GSTA5: variants seen among roughly 807,000 people sequenced by gnomAD.
The protein encoded by GSTA5 is glutathione S-transferase A5.
Under a neutral mutation model 21.8 loss-of-function variants are expected in GSTA5, and 25 were observed. The observed-to-expected ratio is 1.14, with a 90% CI of 0.83 to 1.60. The LOEUF (loss-of-function observed/expected upper bound fraction) is 1.60. GSTA5 is among the 40% of genes most tolerant of loss of function. The pLI, the probability that GSTA5 is intolerant of heterozygous loss-of-function variation, is 0.00. For synonymous variants in GSTA5, 102 were observed against 89.5 expected, an observed-to-expected ratio of 1.14 and a Z score of -0.78; for missense variants, 330 against 259.2, an observed-to-expected ratio of 1.27 and a Z score of -1.88.
At position 52,837,619 on chromosome 6, in the gene GSTA5, G is replaced by C; in HGVS notation, c.88-10C>G. ...GAAATTTCTCTTCCAACTGGAAGCA[G>C]AAACAGTAAATGGGTTCTTCTTAGT... On this transcript the variant is annotated splice_polypyrimidine_tract_variant and intron_variant, in intron 1 of 5. Transcript: ENST00000370989. The C allele has an allele frequency of 6.3e-7, 1 of 1,598,638 alleles. No homozygotes were observed. Among genetic ancestry groups the C allele is most frequent in the Non-Finnish European group, 8.6e-7 (1 of 1,166,530 alleles).
rs1277044805 is a variant in GSTA5, at chr6:52,836,125, A to G, written c.272+111T>C. The stretch of plus-strand genomic sequence containing the variant: ...TACTGGACCTCAGCGTGCATCCTCA[A>G]GACCCAGCCTGCTGCTGGTCATGAT... On this transcript the variant is annotated intron_variant, in intron 3 of 5. Coordinates refer to ENST00000370989, the Ensembl canonical transcript of GSTA5. 2.9e-5 allele frequency: 36 copies of G among 1,245,376 alleles called. No homozygotes were observed. In the East Asian group the frequency reaches 8.1e-4, roughly 28 times the overall value. 77.1% of individuals were successfully genotyped at this position (1,245,376 alleles called of 1,614,324 possible). A position where few individuals can be genotyped will look rare whatever the true frequency, so the allele number is the denominator to read the frequency against.
At chr6:52,832,024 T>G in intron 5 of GSTA5, 54 bp from the exon 6 acceptor site, 1 of 1,571,056 alleles carries the variant, frequency 6.4e-7, no homozygotes, top group Non-Finnish European at 8.6e-7. Context: ...CCACCATCAT[T>G]AAGATGACCC....
At chr6:52,832,969 C>G (rs1200993193) in exon 5 of GSTA5, 10 of 1,613,990 alleles carry the variant, frequency 6.2e-6, no homozygotes, top group Non-Finnish European at 8.5e-6. Context: ...ACAAGGTAGT[C>G]TTGTCTGTGG....
chr6:52,834,705 A>G (rs1357272042), intron 3 of GSTA5, among the ~76,000 whole-genome samples: 1 of 152,184 alleles, frequency 6.6e-6, no homozygotes, highest in Non-Finnish European at 1.5e-5. Flanking sequence ...CCCTCTAAGT[A>G]ATCCTAAAAG....
chr6:52,840,704 A>G (rs1448654565), intron 1 of GSTA5, 23 bp downstream of exon 1: 1 of 1,604,300 alleles, frequency 6.2e-7, no homozygotes, highest in South Asian at 1.1e-5. Flanking sequence ...ATCCAACTTA[A>G]GATGACCTTA....
At position 52,834,425 on chromosome 6, in the gene GSTA5, T is replaced by C. The variant is rs1055527102; in HGVS notation, c.273-143A>G. The C allele has an allele frequency of 1.2e-5, 9 of 720,056 alleles. No homozygotes were observed. In the African/African-American group the frequency reaches 1.6e-4, roughly 13 times the overall value. 44.6% of individuals were successfully genotyped at this position (720,056 alleles called of 1,614,324 possible). A position where few individuals can be genotyped will look rare whatever the true frequency, so the allele number is the denominator to read the frequency against. ...GCCTTTTATACGCTAGTCATTATGCTCTGAGTTTTACAGGTATATAGTCAT... is the reference window on the plus strand; with the variant it reads ...GCCTTTTATACGCTAGTCATTATGCCCTGAGTTTTACAGGTATATAGTCAT... On this transcript the variant is annotated intron_variant, in intron 3 of 5. Transcript: ENST00000370989.
chr6:52,844,656 T>C (rs1289410741), upstream of GSTA5, among the ~76,000 whole-genome samples: 3 of 152,220 alleles, frequency 2.0e-5, no homozygotes, highest in African/African-American at 4.8e-5. Context: ...TGTAGGTTGT[T>C]TAGTCTCTGA....
upstream of GSTA5, among the ~76,000 whole-genome samples, chr6:52,844,862 T>C (rs1277571773): frequency 2.0e-5 from 3 of 152,206 alleles, no homozygotes; most frequent in Admixed American, 2.0e-4. Flanking sequence ...CTTTGATCTA[T>C]CTATCCATTA....
chr6:52,832,570 A>G (rs1344430256), intron 5 of GSTA5, among the ~76,000 whole-genome samples: 1 of 152,224 alleles, frequency 6.6e-6, no homozygotes, highest in Non-Finnish European at 1.5e-5. Flanking sequence ...ACTCAGGAAC[A>G]GAAACCACAT....
intron 2 of GSTA5, among the ~76,000 whole-genome samples, chr6:52,836,593 C>A (rs1764297885): frequency 6.6e-6 from 1 of 152,214 alleles, no homozygotes; most frequent in South Asian, 2.1e-4. Context: ...CTCACTGTAA[C>A]CTCTGCCTCC....
At chr6:52,836,912 C>T (rs989025059) in intron 2 of GSTA5, among the ~76,000 whole-genome samples, 1 of 152,168 alleles carries the variant, frequency 6.6e-6, no homozygotes, top group African/African-American at 2.4e-5. Context: ...TATTTCCCCT[C>T]CAGATACATA....
rs1246905291 is a variant in GSTA5 at position 52,834,301 on chromosome 6, C to T, written c.273-19G>A. On this transcript the variant is annotated intron_variant, in intron 3 of 5. Coordinates refer to ENST00000370989, the Ensembl canonical transcript of GSTA5. ...ATCAATCCTGAAAGACAAAAACAAC[C>T]AAACCATCAAATGCCTTTTGCCTTA... is the stretch of plus-strand genomic sequence containing the variant. The T allele has an allele frequency of 1.3e-6, 2 of 1,596,076 alleles. No individual in the cohort carries two copies. The highest frequency in any genetic ancestry group is 1.7e-6 in the Non-Finnish European group (2 of 1,172,114).
chr6:52,832,023 T>C (rs1764223927), intron 5 of GSTA5, 53 bp from the exon 6 acceptor site: 3 of 1,571,958 alleles, frequency 1.9e-6, no homozygotes, highest in Admixed American at 2.0e-5. Context: ...GCCACCATCA[T>C]TAAGATGACC....
upstream of GSTA5, among the ~76,000 whole-genome samples, chr6:52,845,263 A>T (rs559792215): frequency 1.2e-4 from 18 of 152,260 alleles, no homozygotes; most frequent in African/African-American, 4.1e-4. Flanking sequence ...AGCCCCATGA[A>T]TTCATGTAGT....
At chr6:52,837,642 A>C in intron 1 of GSTA5, 33 bp from the exon 2 acceptor site, 1 of 1,479,150 alleles carries the variant, frequency 6.8e-7, no homozygotes, top group Non-Finnish European at 9.4e-7. Context: ...GGTTCTTCTT[A>C]GTTAATTCTA....
chr6:52,832,432 A>G lies in GSTA5; in HGVS notation c.546+427T>C, dbSNP rs561144107. Among the ~76,000 whole-genome samples the G allele has an allele frequency of 2.0e-5, 3 of 152,324 alleles. No homozygotes were observed. In the South Asian group the frequency reaches 6.2e-4, roughly 32 times the overall value. The stretch of plus-strand genomic sequence containing the variant: ...GGGCAGAGTGCTGGGAGAGCTGTGC[A>G]GAGAGGACCACAATGTCTGACAAAA... On this transcript the variant is annotated intron_variant, in intron 5 of 5. Coordinates refer to ENST00000370989, the Ensembl canonical transcript of GSTA5.
At chr6:52,831,866 C>T in exon 6 of GSTA5, 9 of 1,614,016 alleles carry the variant, frequency 5.6e-6, no homozygotes, top group Non-Finnish European at 7.6e-6. Flanking sequence ...TGAAAATCTT[C>T]CTTGCTTCTT....
At chr6:52,836,898 T>C (rs956632757) in intron 2 of GSTA5, among the ~76,000 whole-genome samples, 7 of 152,326 alleles carry the variant, frequency 4.6e-5, no homozygotes, top group African/African-American at 1.7e-4. Context: ...TTCATTTTTG[T>C]TTTTATTTCC....
intron 4 of GSTA5, among the ~76,000 whole-genome samples, chr6:52,833,198 C>A (rs909801541): frequency 6.6e-6 from 1 of 152,142 alleles, no homozygotes. Flanking sequence ...GCCAGGCTAC[C>A]ATTTTCTCTT....
Sources: gnomAD v4.1 joint callset for allele counts (sites outside exome capture counted in the v4.1 genomes callset) on GRCh38, gnomAD v4.1.1 for gene constraint, MANE v1.5 for transcripts, NCBI Gene and HGNC (gene_info 2026-07-23, HGNC 2026-07-21) for gene names.